Variants in RHOJ observed in about 807,000 individuals in gnomAD.
RHOJ encodes the protein ras homolog family member J, also known as rho-related GTP-binding protein RhoJ.
RHOJ carries 11 observed loss-of-function variants against 23.4 expected under a neutral mutation model. That is an observed-to-expected ratio of 0.47 (90% confidence interval 0.30 to 0.78). RHOJ has a LOEUF of 0.78. Ranked by LOEUF, RHOJ falls within the 30% of genes least tolerant of loss-of-function variation. RHOJ has a pLI of 0.08. For synonymous variants in RHOJ, 102 were observed against 102.7 expected (o/e 0.99, Z 0.04); for missense variants, 254 against 273.4 (o/e 0.93, Z 0.50).
intron 1 of RHOJ, among the ~76,000 whole-genome samples, chr14:63,220,789 C>T (rs1477146227): frequency 6.6e-6 from 1 of 152,168 alleles, no homozygotes; most frequent in East Asian, 1.9e-4. Context: ...TCAAAGTGTT[C>T]CCTGGAATAC....
chr14:63,213,231 C>T (rs1293043503), intron 1 of RHOJ, among the ~76,000 whole-genome samples: 1 of 152,182 alleles, frequency 6.6e-6, no homozygotes, highest in Non-Finnish European at 1.5e-5. Flanking sequence ...GATCTTGTCA[C>T]CCAGGTGGTG....
At chr14:63,233,003 C>T (rs1894725482) in intron 1 of RHOJ, among the ~76,000 whole-genome samples, 1 of 152,052 alleles carries the variant, frequency 6.6e-6, no homozygotes, top group South Asian at 2.1e-4. Flanking sequence ...GCCTCCATCA[C>T]TCAATAAAGA....
chr14:63,284,834 G>GT lies in RHOJ; in HGVS notation c.498+1626dup, dbSNP rs201512659. On this transcript the variant is annotated intron_variant, in intron 4 of 4. Coordinates refer to ENST00000316754, the MANE Select transcript of RHOJ (RefSeq NM_020663.5). ...AGCCTCACTTCTCATTGGGGAAGTT[G>GT]TTTTTTTTCTGTCTGAAAAGAAGTC... 3.0e-3 allele frequency among the ~76,000 whole-genome samples: 463 copies of GT among 151,876 alleles called. 4 individuals are homozygous for GT. The highest frequency in any genetic ancestry group is 0.01 in the African/African-American group (425 of 41,386).
At chr14:63,278,941 A>C (rs1881813425) in intron 2 of RHOJ, among the ~76,000 whole-genome samples, 1 of 152,180 alleles carries the variant, frequency 6.6e-6, no homozygotes, top group Admixed American at 6.6e-5. Context: ...AGCCATGATC[A>C]CGCCATTGCA....
intron 1 of RHOJ, among the ~76,000 whole-genome samples, chr14:63,248,099 G>A (rs999063079): frequency 6.6e-6 from 1 of 152,178 alleles, no homozygotes; most frequent in Non-Finnish European, 1.5e-5. Context: ...TGAGATTTGG[G>A]TGGGGACACG....
chr14:63,237,083 G>A (rs1894803915), intron 1 of RHOJ, among the ~76,000 whole-genome samples: 1 of 152,060 alleles, frequency 6.6e-6, no homozygotes, highest in Non-Finnish European at 1.5e-5. Context: ...TTGGTTGGTT[G>A]AATCCATGGA....
At chr14:63,278,533 C>G (rs987389908) in intron 2 of RHOJ, among the ~76,000 whole-genome samples, 3 of 151,670 alleles carry the variant, frequency 2.0e-5, no homozygotes, top group African/African-American at 7.3e-5. Flanking sequence ...CCCATCAACC[C>G]GTTATCTAAT....
At chr14:63,239,258 G>A (rs1332928220) in intron 1 of RHOJ, among the ~76,000 whole-genome samples, 3 of 152,120 alleles carry the variant, frequency 2.0e-5, no homozygotes, top group South Asian at 2.1e-4. Context: ...ACTACAGATG[G>A]CAGCCACTAC....
At chr14:63,264,081 G>A (rs1156758568) in intron 1 of RHOJ, among the ~76,000 whole-genome samples, 2 of 151,978 alleles carry the variant, frequency 1.3e-5, no homozygotes, top group African/African-American at 4.8e-5. Context: ...TTTGGGGTGT[G>A]ATAGTACCGA....
At chr14:63,205,174 T>C (rs1057364911) in intron 1 of RHOJ, 127 bp downstream of exon 1, 1 of 952,954 alleles carries the variant, frequency 1.0e-6, no homozygotes, top group African/African-American at 1.7e-5. Context: ...ACCAGGGAGC[T>C]TAGCGTAGCA....
intron 1 of RHOJ, among the ~76,000 whole-genome samples, chr14:63,264,031 C>T (rs1269870403): frequency 6.6e-6 from 1 of 151,568 alleles, no homozygotes; most frequent in African/African-American, 2.4e-5. Flanking sequence ...GGGAGTACAT[C>T]TGTAGGTTTG....
chr14:63,216,408 C>A (rs1894357094), intron 1 of RHOJ, among the ~76,000 whole-genome samples: 3 of 152,160 alleles, frequency 2.0e-5, no homozygotes, highest in Non-Finnish European at 1.5e-5. Flanking sequence ...GAAGAATGTT[C>A]ATAAAATGTA....
rs1361214734 is a variant in RHOJ at position 63,273,395 on chromosome 14, C to T, written c.237+4227C>T. On this transcript the variant is annotated intron_variant, in intron 2 of 4. Transcript: ENST00000316754. Reference sequence around the variant, plus strand: ...GAATGTTAAAGGGATATCTAGAGCTCAGATCTTTGGCTCAGCTATGAAAGA... The same window carrying T: ...GAATGTTAAAGGGATATCTAGAGCTTAGATCTTTGGCTCAGCTATGAAAGA... Among the ~76,000 whole-genome samples, 9 of 152,210 alleles carry T rather than the reference C, an allele frequency of 5.9e-5. 1 individual carries two copies. The highest frequency in any genetic ancestry group is 1.3e-4 in the Admixed American group (2 of 15,282).
At chr14:63,217,348 T>C in intron 1 of RHOJ, among the ~76,000 whole-genome samples, 1 of 149,900 alleles carries the variant, frequency 6.7e-6, no homozygotes, top group East Asian at 1.9e-4. Flanking sequence ...TTTGGTTTTT[T>C]GTTCTTGCGA....
intron 1 of RHOJ, among the ~76,000 whole-genome samples, chr14:63,236,473 G>A (rs1894791206): frequency 6.6e-6 from 1 of 152,126 alleles, no homozygotes; most frequent in African/African-American, 2.4e-5. Context: ...GATGGTGTTA[G>A]GCAAAGAGAG....
At chr14:63,242,979 C>T (rs533436830) in intron 1 of RHOJ, among the ~76,000 whole-genome samples, 1 of 152,230 alleles carries the variant, frequency 6.6e-6, no homozygotes, top group Non-Finnish European at 1.5e-5. Context: ...CATCCACATC[C>T]CCAAATACAA....
chr14:63,253,939 G>T (rs758151715), intron 1 of RHOJ, among the ~76,000 whole-genome samples: 1 of 152,024 alleles, frequency 6.6e-6, no homozygotes, highest in Admixed American at 6.5e-5. Context: ...CTGTCTCTTC[G>T]CTGGGAGTCA....
chr14:63,270,661 G>A (rs1354534140), intron 2 of RHOJ, among the ~76,000 whole-genome samples: 1 of 152,194 alleles, frequency 6.6e-6, no homozygotes, highest in Non-Finnish European at 1.5e-5. Flanking sequence ...AATCACTGGG[G>A]TGTCCCCATT....
chr14:63,225,598 A>G (rs147198026), intron 1 of RHOJ, among the ~76,000 whole-genome samples: 2 of 152,292 alleles, frequency 1.3e-5, no homozygotes, highest in Non-Finnish European at 2.9e-5. Flanking sequence ...AAACTACCCA[A>G]AAGAAAAATG....
Sources: allele counts gnomAD v4.1 joint callset (sites outside exome capture counted in the v4.1 genomes callset), GRCh38; gene constraint gnomAD v4.1.1; transcripts MANE v1.5; gene names NCBI Gene and HGNC (gene_info 2026-07-23, HGNC 2026-07-21).